The following INTS10 variants were observed in gnomAD, a reference collection of about 807,000 sequenced individuals.
The protein encoded by INTS10 is integrator complex subunit 10.
A neutral mutation model predicts 94.4 loss-of-function variants in INTS10; 44 were observed. The observed-to-expected ratio is 0.47, with a 90% confidence interval of 0.37 to 0.60. The LOEUF (loss-of-function observed/expected upper bound fraction) is 0.60. INTS10 is among the 20% of genes least tolerant of loss of function. The pLI is 0.00. For synonymous variants in INTS10, 341 were observed against 320.7 expected (o/e 1.06, Z -0.68); for missense variants, 797 against 868.7 (o/e 0.92, Z 1.04).
intron 12 of INTS10, among the ~76,000 whole-genome samples, chr8:19,835,054 G>C (rs764946591): frequency 6.6e-6 from 1 of 151,758 alleles, no homozygotes; most frequent in Non-Finnish European, 1.5e-5. Flanking sequence ...TACAAATTTT[G>C]GTGGGAATGT....
intron 11 of INTS10, 75 bp from the exon 12 acceptor site, chr8:19,833,094 C>A (rs551748925): frequency 3.7e-6 from 5 of 1,343,924 alleles, no homozygotes; most frequent in Admixed American, 5.1e-5. Flanking sequence ...CTTCGTGAAC[C>A]CTGGAACGGT....
At chr8:19,819,204 A>G (rs1477940028) in intron 2 of INTS10, among the ~76,000 whole-genome samples, 1 of 152,140 alleles carries the variant, frequency 6.6e-6, no homozygotes, top group Non-Finnish European at 1.5e-5. Flanking sequence ...AAAAATTTGT[A>G]CTACTCATAC....
In INTS10 at chr8:19,828,706, G is replaced by C. The variant is rs2066993310; in HGVS notation, c.1141-1700G>C. ...ACAGGCCCCTGATGAAACAGTACCTGGCAGATACGGTTGTGGTTTTTTTTT... is the reference window on the plus strand; with the variant it reads ...ACAGGCCCCTGATGAAACAGTACCTCGCAGATACGGTTGTGGTTTTTTTTT... On this transcript the variant is annotated intron_variant, in intron 9 of 16. Coordinates refer to ENST00000397977, the MANE Select transcript of INTS10 (RefSeq NM_018142.4). Among the ~76,000 whole-genome samples the C allele has an allele frequency of 2.6e-5, 4 of 151,154 alleles. No homozygotes were observed. In the Admixed American group the frequency reaches 2.7e-4, roughly 10 times the overall value.
chr8:19,824,293 A>T, intron 7 of INTS10: 1 of 294,674 alleles, frequency 3.4e-6, no homozygotes, highest in Non-Finnish European at 6.2e-6. Context: ...GGAGTTCGAG[A>T]CCAGCCTAGC....
intron 16 of INTS10, among the ~76,000 whole-genome samples, chr8:19,848,300 TG>T (rs2068743807): frequency 6.6e-6 from 1 of 152,302 alleles, no homozygotes; most frequent in Admixed American, 6.5e-5. Flanking sequence ...CTGCCCTAGC[TG>T]TGGCATCTGG....
At position 19,826,557 on chromosome 8, in the gene INTS10, A is replaced by G. The variant is rs370899313; in HGVS notation, c.1138A>G (p.Met380Val). ...ACTAGCTGAAGGAAGAGAAAAAACC[A>G]TGGTAAGGCTTTCAAATATACTTAT... ...RKLAEGREKT[M>V]SSDDEDCSAK... Residue 380 changes from methionine to valine, a missense_variant and splice_region_variant, in exon 9 of 17, where the codon ATG (methionine) becomes GTG (valine). Physicochemically the swap from Met to Val is conservative, Grantham distance 21 (BLOSUM62 1). Coordinates refer to ENST00000397977, the MANE Select transcript of INTS10 (RefSeq NM_018142.4). The G allele has an allele frequency of 5.6e-6, 9 of 1,610,272 alleles. No homozygotes were observed. The East Asian group carries it at 6.7e-5, about 12-fold the overall frequency.
rs1021553347 is a variant in INTS10 at position 19,832,078 on chromosome 8, A to C, written c.1345A>C (p.Arg449=). 4 of 1,601,298 alleles carry C rather than the reference A, an allele frequency of 2.5e-6. No individual in the cohort carries two copies. The highest frequency in any genetic ancestry group is 3.4e-6 in the Non-Finnish European group (4 of 1,168,206). ...GAAGACGGATACTTGGCTTTGGTTA[A>C]GAATCTTCCTCACTGATATGATCAT... is the stretch of plus-strand genomic sequence containing the variant. ...AWKTDTWLWL[R]IFLTDMIIYQ... is the part of the protein sequence containing the mutation. The change falls in exon 11 of 17, where the codon AGA becomes CGA. Residue 449 remains arginine (R), a synonymous_variant. Coordinates refer to ENST00000397977, the MANE Select transcript of INTS10 (RefSeq NM_018142.4).
At chr8:19,844,309 A>T in intron 15 of INTS10, 71 bp downstream of exon 15, 1 of 1,140,552 alleles carries the variant, frequency 8.8e-7, no homozygotes, top group South Asian at 1.4e-5. Flanking sequence ...TAGAAAAAGA[A>T]TGAACCATTC....
At chr8:19,822,747 C>T (rs1021106190) in intron 5 of INTS10, among the ~76,000 whole-genome samples, 5 of 151,790 alleles carry the variant, frequency 3.3e-5, no homozygotes, top group African/African-American at 1.2e-4. Context: ...GTCAAGAGAT[C>T]GAGACCATCC....
In INTS10 at chr8:19,832,135, T is replaced by C. The variant is rs1218990052; in HGVS notation, c.1377+25T>C. The C allele has an allele frequency of 3.2e-6, 4 of 1,243,106 alleles. No homozygotes were observed. The Admixed American group carries it at 6.7e-5, about 21-fold the overall frequency. 77.0% of individuals were successfully genotyped at this position (1,243,106 alleles called of 1,614,324 possible). A position where few individuals can be genotyped will look rare whatever the true frequency, so the allele number is the denominator to read the frequency against. On this transcript the variant is annotated intron_variant, in intron 11 of 16. Transcript: ENST00000397977. ...GGTAGAGTATTATACATATTTTAGG[T>C]ACCTGTGTCTGTACAGCATGGCTAT...
chr8:19,823,838 T>C (rs768209589), intron 6 of INTS10, 35 bp from the exon 7 acceptor site: 1 of 1,533,356 alleles, frequency 6.5e-7, no homozygotes, highest in Non-Finnish European at 8.8e-7. Flanking sequence ...TAAGTCATAA[T>C]GTTAATTGTA....
At chr8:19,850,348 C>G (rs1054786963) in intron 16 of INTS10, among the ~76,000 whole-genome samples, 1 of 152,060 alleles carries the variant, frequency 6.6e-6, no homozygotes, top group Non-Finnish European at 1.5e-5. Context: ...ACTGAGCTAC[C>G]CATCCAGATT....
intron 8 of INTS10, among the ~76,000 whole-genome samples, chr8:19,825,724 C>T (rs1211084274): frequency 6.6e-6 from 1 of 151,904 alleles, no homozygotes; most frequent in Non-Finnish European, 1.5e-5. Context: ...ATACAGCGGT[C>T]GTTTTTACGT....
intron 13 of INTS10, among the ~76,000 whole-genome samples, chr8:19,841,462 A>G (rs2068117896): frequency 6.6e-6 from 1 of 152,194 alleles, no homozygotes; most frequent in African/African-American, 2.4e-5. Flanking sequence ...CTTCAGACCA[A>G]TAGGAAGCAA....
chr8:19,850,614 C>G (rs890224802), intron 16 of INTS10, among the ~76,000 whole-genome samples: 6 of 151,902 alleles, frequency 3.9e-5, no homozygotes, highest in Admixed American at 2.0e-4. Context: ...TTTATCTTGC[C>G]CAGAACATAA....
At chr8:19,837,279 C>T in intron 13 of INTS10, 119 bp downstream of exon 13, 1 of 704,498 alleles carries the variant, frequency 1.4e-6, no homozygotes, top group East Asian at 2.7e-5. Flanking sequence ...CTTTTGAGCC[C>T]AGGAGTTTGA....
rs567571758 is a variant in INTS10, at chr8:19,822,468, T to C, written c.471T>C (p.Ala157=). 32 of 1,612,218 alleles carry C rather than the reference T, an allele frequency of 2.0e-5. No individual in the cohort carries two copies. In the East Asian group the frequency reaches 6.5e-4, roughly 33 times the overall value. The change falls in exon 5 of 17, where the codon GCT becomes GCC. Residue 157 remains alanine (A), a synonymous_variant. Transcript: ENST00000397977. ...GVGLGEALLE[A]ETIEEQESPV... Reference sequence around the variant, plus strand: ...GCCTTGGGGAGGCACTATTAGAGGCTGAAACTATTGAAGAACAAGAATCTC... The same window carrying C: ...GCCTTGGGGAGGCACTATTAGAGGCCGAAACTATTGAAGAACAAGAATCTC...
chr8:19,833,169 G>A lies in INTS10; in HGVS notation c.1378G>A (p.Gly460Ser). The A allele has an allele frequency of 6.3e-7, 1 of 1,577,034 alleles. No homozygotes were observed. Among genetic ancestry groups the A allele is most frequent in the South Asian group, 1.2e-5 (1 of 86,202 alleles). Residue 460 changes from glycine to serine, a missense_variant and splice_region_variant, in exon 12 of 17, where the codon GGT becomes AGT. Physicochemically the swap from Gly to Ser is moderately conservative, Grantham distance 56. Coordinates refer to ENST00000397977, the MANE Select transcript of INTS10 (RefSeq NM_018142.4). ...CTCCTTGCTATTCTATCTTTCTTAGGGTCAATATAAAAAGGCGATAGCCAG... is the reference window on the plus strand; with the variant it reads ...CTCCTTGCTATTCTATCTTTCTTAGAGTCAATATAAAAAGGCGATAGCCAG... Reference protein sequence around the residue: ...IFLTDMIIYQGQYKKAIASLH... With the variant: ...IFLTDMIIYQSQYKKAIASLH...
At position 19,849,081 on chromosome 8, in the gene INTS10, AT is replaced by A. The variant is rs2068810209; in HGVS notation, c.1977-2564del. Reference sequence around the variant, plus strand: ...GTTTAGTCTGCTTCTAGTCTTGTGTATTTTCTCTGGAGTGTTGTTTTTGCAG... The same window carrying A: ...GTTTAGTCTGCTTCTAGTCTTGTGTATTTCTCTGGAGTGTTGTTTTTGCAG... On this transcript the variant is annotated intron_variant, in intron 16 of 16. Transcript: ENST00000397977. This position sits in a 1 kb window ranked among gnomAD's most constrained non-coding sequence, Gnocchi z 4.6. The A allele has an allele frequency of 4.9e-5, 28 of 574,528 alleles. No individual in the cohort carries two copies. Among genetic ancestry groups the A allele is most frequent in the South Asian group, 4.3e-4 (28 of 64,984 alleles). The allele number at this position is 574,528 out of a possible 1,614,324, so 35.6% of individuals were successfully genotyped here.
Sources: gnomAD v4.1 joint callset for allele counts (sites outside exome capture counted in the v4.1 genomes callset) on GRCh38, gnomAD v4.1.1 for gene constraint, Gnocchi (gnomAD v3.1) non-coding constraint, MANE v1.5 for transcripts, NCBI Gene and HGNC (gene_info 2026-07-23, HGNC 2026-07-21) for gene names.